ZDHHC21: variants seen among roughly 807,000 people sequenced by gnomAD.
ZDHHC21 encodes palmitoyltransferase ZDHHC21.
In ZDHHC21, 15 loss-of-function variants were observed where a neutral mutation model predicts 34.6. That is an observed-to-expected ratio of 0.43 (90% confidence interval 0.29 to 0.67). The LOEUF (loss-of-function observed/expected upper bound fraction) is 0.67, where lower values mean the gene tolerates loss of function less well. Ranked by LOEUF, ZDHHC21 falls within the 30% of genes least tolerant of loss-of-function variation. The pLI is 0.14. For synonymous variants in ZDHHC21, 142 were observed against 101.8 expected, an observed-to-expected ratio of 1.40 and a Z score of -2.38; for missense variants, 344 against 327.7, an observed-to-expected ratio of 1.05 and a Z score of -0.38.
At chr9:14,683,352 A>G (rs1473687441) in intron 2 of ZDHHC21, among the ~76,000 whole-genome samples, 1 of 152,198 alleles carries the variant, frequency 6.6e-6, no homozygotes, top group Non-Finnish European at 1.5e-5. Flanking sequence ...ACGCAATAAA[A>G]AATGATAAAG....
At chr9:14,658,662 G>A (rs550354118) in intron 7 of ZDHHC21, 87 bp downstream of exon 7, 57 of 1,078,448 alleles carry the variant, frequency 5.3e-5, no homozygotes, top group South Asian at 4.2e-4. Flanking sequence ...TAGTAGAGAC[G>A]GGGTTTCACC....
At chr9:14,662,087 GA>G (rs1487368945) in intron 6 of ZDHHC21, 127 bp downstream of exon 6, 5 of 545,238 alleles carry the variant, frequency 9.2e-6, no homozygotes, top group Non-Finnish European at 1.5e-5. Flanking sequence ...TCTAAATAAA[GA>G]TATCCTTATT....
At chr9:14,667,404 C>T (rs1252669838) in intron 5 of ZDHHC21, among the ~76,000 whole-genome samples, 14 of 152,128 alleles carry the variant, frequency 9.2e-5, no homozygotes, top group Non-Finnish European at 2.1e-4. Context: ...GATTCACAGC[C>T]AAATTCTACC....
rs1433310425 is a variant in ZDHHC21 at position 14,692,491 on chromosome 9, T to C, written c.-225+738A>G. On this transcript the variant is annotated intron_variant, in intron 1 of 9. Transcript: ENST00000380916. ...TTAGAGACTGCTATATTGCAATATT[T>C]TAAAGTAATAATTGGTCATGTCCTC... 2.0e-5 allele frequency among the ~76,000 whole-genome samples: 3 copies of C among 152,156 alleles called. 1 individual carries two copies. The East Asian group carries it at 5.8e-4, about 29-fold the overall frequency.
the ZDHHC21 span, among the ~76,000 whole-genome samples, chr9:14,600,383 G>A: frequency 1.3e-5 from 2 of 152,136 alleles, 1 homozygote; most frequent in East Asian, 3.9e-4. Context: ...ACCAAATCAT[G>A]CATGAACTCC....
At chr9:14,595,246 T>G in the ZDHHC21 span, among the ~76,000 whole-genome samples, 1 of 152,106 alleles carries the variant, frequency 6.6e-6, no homozygotes, top group Non-Finnish European at 1.5e-5. Flanking sequence ...AGCCAAAAAC[T>G]GAAAGCAATC....
chr9:14,607,858 G>A (rs113539311), downstream of ZDHHC21, among the ~76,000 whole-genome samples: 2 of 152,224 alleles, frequency 1.3e-5, no homozygotes, highest in Non-Finnish European at 2.9e-5. Context: ...CTACCACAGC[G>A]ATTACCCAAA....
chr9:14,592,875 T>C, the ZDHHC21 span, among the ~76,000 whole-genome samples: 1 of 152,106 alleles, frequency 6.6e-6, no homozygotes, highest in Non-Finnish European at 1.5e-5. Flanking sequence ...ATTTGAGACA[T>C]CTCCACATTC....
chr9:14,598,680 C>T, the ZDHHC21 span, among the ~76,000 whole-genome samples: 1 of 152,000 alleles, frequency 6.6e-6, no homozygotes. Context: ...TATAAGAGAA[C>T]ACAATACAAA....
rs1407231164 is a variant in ZDHHC21 at position 14,687,035 on chromosome 9, T to C, written c.-176+3302A>G. Among the ~76,000 whole-genome samples the C allele has an allele frequency of 1.3e-5, 2 of 150,136 alleles. 1 individual carries two copies. The highest frequency in any genetic ancestry group is 5.0e-5 in the African/African-American group (2 of 39,810). ...ACCCCAATGGCAAATAAATGAATTA[T>C]TTCAGAAAAAAATTCAAACAGAATT... is the stretch of plus-strand genomic sequence containing the variant. On this transcript the variant is annotated intron_variant, in intron 2 of 9. Coordinates refer to ENST00000380916, the MANE Select transcript of ZDHHC21 (RefSeq NM_178566.6).
chr9:14,615,712 G>C lies in ZDHHC21; in HGVS notation c.*3254C>G, dbSNP rs921577350. On this transcript the variant is annotated 3_prime_UTR_variant, in exon 10 of 10. Transcript: ENST00000380916. ...CTACATGAAGCCCATAAACATTTTT[G>C]TTTGCAGAAAACAACAATGACAAAT... 2 of 151,474 alleles carry C rather than the reference G, an allele frequency of 1.3e-5. No individual in the cohort carries two copies. The highest frequency in any genetic ancestry group is 4.8e-5 in the African/African-American group (2 of 41,344). The allele number at this position is 151,474 out of a possible 1,614,324, so 9.4% of individuals were successfully genotyped here. A position where few individuals can be genotyped will look rare whatever the true frequency, so the allele number is the denominator to read the frequency against.
At chr9:14,674,419 C>G in intron 3 of ZDHHC21, 34 bp from the exon 4 acceptor site, 7 of 1,412,550 alleles carry the variant, frequency 5.0e-6, no homozygotes, top group Non-Finnish European at 6.6e-6. Context: ...TAATTACTTA[C>G]ATAGAAAAAT....
rs184872167 is a variant in ZDHHC21 at position 14,638,284 on chromosome 9, A to G, written c.621+1612T>C. Among the ~76,000 whole-genome samples the G allele has an allele frequency of 5.9e-5, 9 of 152,160 alleles. No individual in the cohort carries two copies. The East Asian group carries it at 1.7e-3, about 29-fold the overall frequency. On this transcript the variant is annotated intron_variant, in intron 8 of 9. Transcript: ENST00000380916. ...GCATCAAGAACATACATTGGGGGAA[A>G]AAAACAGTCTTTTGAATACATGAGA...
chr9:14,653,272 A>G (rs1831582916), intron 7 of ZDHHC21, among the ~76,000 whole-genome samples: 1 of 151,976 alleles, frequency 6.6e-6, no homozygotes, highest in Admixed American at 6.6e-5. Flanking sequence ...ACACAGGAAA[A>G]GACTTGCAAA....
At chr9:14,625,034 A>G (rs1825968036) in intron 8 of ZDHHC21, among the ~76,000 whole-genome samples, 1 of 152,040 alleles carries the variant, frequency 6.6e-6, no homozygotes, top group Non-Finnish European at 1.5e-5. Context: ...TATTAATTCT[A>G]AGAAAGACTT....
chr9:14,656,974 T>A (rs1301993292), intron 7 of ZDHHC21, among the ~76,000 whole-genome samples: 1 of 152,016 alleles, frequency 6.6e-6, no homozygotes, highest in East Asian at 1.9e-4. Context: ...TTTTCCAACA[T>A]TCATTATGCA....
chr9:14,603,660 T>C, the ZDHHC21 span, among the ~76,000 whole-genome samples: 11 of 152,244 alleles, frequency 7.2e-5, no homozygotes, highest in East Asian at 2.1e-3. Flanking sequence ...ATTTGCTAGA[T>C]AAATAAAATA....
chr9:14,596,594 T>C, the ZDHHC21 span, among the ~76,000 whole-genome samples: 764 of 152,178 alleles, frequency 5.0e-3, 22 homozygotes, highest in East Asian at 0.094. Flanking sequence ...AGAGAAAAGA[T>C]GAAAACTAGC....
intron 8 of ZDHHC21, among the ~76,000 whole-genome samples, chr9:14,632,962 A>G (rs1171516008): frequency 6.6e-6 from 1 of 152,166 alleles, no homozygotes; most frequent in Admixed American, 6.5e-5. Flanking sequence ...AAATACTGCT[A>G]GTGGGAATGC....
Sources: allele counts gnomAD v4.1 joint callset (sites outside exome capture counted in the v4.1 genomes callset), GRCh38; gene constraint gnomAD v4.1.1; transcripts MANE v1.5; gene names NCBI Gene and HGNC (gene_info 2026-07-23, HGNC 2026-07-21).